The following PHTF2 variants were observed in gnomAD, a reference collection of about 807,000 sequenced individuals.
PHTF2 encodes putative homeodomain transcription factor 2, also known as protein PHTF2.
A neutral mutation model predicts 101.2 loss-of-function variants in PHTF2; 60 were observed. That is an observed-to-expected ratio of 0.59 (90% CI 0.48 to 0.73). The LOEUF (loss-of-function observed/expected upper bound fraction) is 0.73, where lower values mean the gene tolerates loss of function less well. Among genes scored for constraint, PHTF2 ranks in the 30% least tolerant of loss-of-function variants. PHTF2 has a pLI of 0.00. For synonymous variants in PHTF2, 311 were observed against 307.3 expected, an observed-to-expected ratio of 1.01 and a Z score of -0.13; for missense variants, 747 against 908.7, an observed-to-expected ratio of 0.82 and a Z score of 2.29.
At chr7:77,926,084 C>G (rs971229429) in intron 11 of PHTF2, among the ~76,000 whole-genome samples, 1 of 151,822 alleles carries the variant, frequency 6.6e-6, no homozygotes, top group Non-Finnish European at 1.5e-5. Context: ...AACCCACTTA[C>G]TAATCTGCAT....
chr7:77,804,933 T>A (rs1430549058), intron 1 of PHTF2, among the ~76,000 whole-genome samples: 7 of 152,238 alleles, frequency 4.6e-5, no homozygotes, highest in African/African-American at 1.7e-4. Flanking sequence ...AACATACTGA[T>A]ATCAAAATTA....
chr7:77,892,035 T>C (rs1453986772), intron 3 of PHTF2, among the ~76,000 whole-genome samples: 1 of 152,170 alleles, frequency 6.6e-6, no homozygotes, highest in Non-Finnish European at 1.5e-5. Flanking sequence ...CCCAGCACTA[T>C]GGGAGGCTGA....
chr7:77,804,133 G>C (rs1792785348), intron 1 of PHTF2, among the ~76,000 whole-genome samples: 1 of 152,164 alleles, frequency 6.6e-6, no homozygotes, highest in Admixed American at 6.5e-5. Flanking sequence ...TTAATGGCAA[G>C]TAATCCTGGG....
chr7:77,838,468 C>T (rs1795634404), intron 1 of PHTF2, among the ~76,000 whole-genome samples: 1 of 152,000 alleles, frequency 6.6e-6, no homozygotes, highest in South Asian at 2.1e-4. Flanking sequence ...CCTTAAACTG[C>T]TATGTTTAAA....
intron 6 of PHTF2, 62 bp from the exon 6 acceptor site, chr7:77,901,700 C>T (rs2150832925): frequency 1.1e-6 from 1 of 940,282 alleles, no homozygotes; most frequent in Admixed American, 4.0e-5. Flanking sequence ...AAATTTTTTT[C>T]TTTAAAGAAA....
intron 1 of PHTF2, among the ~76,000 whole-genome samples, chr7:77,831,113 C>T (rs1421633120): frequency 2.0e-5 from 3 of 152,238 alleles, no homozygotes; most frequent in Non-Finnish European, 4.4e-5. Flanking sequence ...ATTCTCTAGG[C>T]CTGCTTTGTG....
chr7:77,842,656 G>T (rs1431671722), intron 2 of PHTF2, among the ~76,000 whole-genome samples: 1 of 152,032 alleles, frequency 6.6e-6, no homozygotes, highest in South Asian at 2.1e-4. Context: ...ATAGCTCATT[G>T]GTTCTGAAAC....
At chr7:77,948,866 C>T (rs1806301301) in intron 16 of PHTF2, among the ~76,000 whole-genome samples, 1 of 152,178 alleles carries the variant, frequency 6.6e-6, no homozygotes, top group Non-Finnish European at 1.5e-5. Context: ...CAGAGACTAA[C>T]TTACAATATC....
In PHTF2 at chr7:77,940,202, T is replaced by C. The variant is rs775498317; in HGVS notation, c.1640T>C (p.Val547Ala). The change falls in exon 14 of 20, where the codon GTC (valine) becomes GCC (alanine). Residue 547 changes from valine (V) to alanine (A), a missense_variant. Val to Ala is a moderately conservative substitution (Grantham distance 64, BLOSUM62 0). Coordinates refer to ENST00000416283, the Ensembl canonical transcript of PHTF2. Reference sequence around the variant, plus strand: ...ATTGCATTTGGTTCTAATGAAGATGTCATAGTTCTTTCTATGGTTATAATA... The same window carrying C: ...ATTGCATTTGGTTCTAATGAAGATGCCATAGTTCTTTCTATGGTTATAATA... 8 of 1,613,612 alleles carry C rather than the reference T, an allele frequency of 5.0e-6. No individual in the cohort carries two copies. The African/African-American group carries it at 5.3e-5, about 11-fold the overall frequency.
At chr7:77,941,650 C>T (rs913997693) in intron 15 of PHTF2, among the ~76,000 whole-genome samples, 5 of 152,262 alleles carry the variant, frequency 3.3e-5, no homozygotes, top group African/African-American at 1.2e-4. Context: ...TCACCAATTC[C>T]TATCTTTTCT....
intron 9 of PHTF2, among the ~76,000 whole-genome samples, chr7:77,919,901 C>G (rs1803284485): frequency 6.6e-6 from 1 of 152,054 alleles, no homozygotes; most frequent in Non-Finnish European, 1.5e-5. Context: ...CCATGAATTG[C>G]AACTTAACCT....
intron 3 of PHTF2, among the ~76,000 whole-genome samples, chr7:77,860,408 T>C (rs1797542766): frequency 6.6e-6 from 1 of 152,214 alleles, no homozygotes; most frequent in Non-Finnish European, 1.5e-5. Context: ...CAATTTAAAG[T>C]GATTATGTAC....
At chr7:77,887,949 C>T (rs1020009972) in intron 3 of PHTF2, among the ~76,000 whole-genome samples, 2 of 152,158 alleles carry the variant, frequency 1.3e-5, no homozygotes, top group African/African-American at 4.8e-5. Flanking sequence ...TTCAGAGTCT[C>T]CTCTTACATG....
At chr7:77,923,218 C>T (rs1803646095) in intron 11 of PHTF2, 10 of 904,504 alleles carry the variant, frequency 1.1e-5, no homozygotes, top group Non-Finnish European at 1.3e-5. Flanking sequence ...TTCTATTTTT[C>T]CTTATTAATC....
intron 3 of PHTF2, among the ~76,000 whole-genome samples, chr7:77,882,233 A>G (rs1482438256): frequency 6.6e-6 from 1 of 152,180 alleles, no homozygotes; most frequent in Non-Finnish European, 1.5e-5. Flanking sequence ...GTATCTGCAG[A>G]TGAGAATGTG....
At position 77,946,149 on chromosome 7, in the gene PHTF2, C is replaced by G. The variant is rs543629042; in HGVS notation, c.1959+3363C>G. 5.3e-5 allele frequency among the ~76,000 whole-genome samples: 8 copies of G among 152,204 alleles called. No individual in the cohort carries two copies. The South Asian group carries it at 1.4e-3, about 28-fold the overall frequency. On this transcript the variant is annotated intron_variant, in intron 16 of 19. Transcript: ENST00000416283. ...TAGTTTGTGCCTGGAATGCAGATTT[C>G]AACTTTAGAAAATCCATTAATGCAA...
intron 5 of PHTF2, among the ~76,000 whole-genome samples, chr7:77,898,097 T>C (rs968752690): frequency 6.6e-6 from 1 of 151,416 alleles, no homozygotes; most frequent in Admixed American, 6.6e-5. Context: ...TAGCTCAAAA[T>C]AAATATATTT....
chr7:77,897,264 G>A (rs1800953317), intron 5 of PHTF2, among the ~76,000 whole-genome samples: 1 of 147,722 alleles, frequency 6.8e-6, no homozygotes, highest in Non-Finnish European at 1.5e-5. Context: ...CTGAACAGAA[G>A]CACTTTCTAA....
At chr7:77,809,232 T>TTTTTTTTG (rs1554347809) in intron 1 of PHTF2, among the ~76,000 whole-genome samples, 19 of 146,608 alleles carry the variant, frequency 1.3e-4, no homozygotes, top group African/African-American at 4.7e-4. Flanking sequence ...TTGTTTTTTT[T>TTTTTTTTG]TTTTTTTTTT....
Sources: allele counts gnomAD v4.1 joint callset (sites outside exome capture counted in the v4.1 genomes callset), GRCh38; gene constraint gnomAD v4.1.1; transcripts MANE v1.5; gene names NCBI Gene and HGNC (gene_info 2026-07-23, HGNC 2026-07-21).